The following CACNB4 variants were observed in gnomAD, a reference collection of about 807,000 sequenced individuals.
The protein encoded by CACNB4 is voltage-dependent L-type calcium channel subunit beta-4.
A neutral mutation model predicts 71.2 loss-of-function variants in CACNB4; 32 were observed. The ratio of observed to expected loss-of-function variants is 0.45; its 90% CI spans 0.34 to 0.60. The LOEUF is 0.60. Among genes scored for constraint, CACNB4 ranks in the 20% least tolerant of loss-of-function variants. The pLI is 0.01. For missense variants in CACNB4, 464 were observed against 647.9 expected (o/e 0.72, Z 3.08); for synonymous variants, 231 against 236.9 (o/e 0.97, Z 0.23).
chr2:151,992,680 T>A (rs1453275938), intron 2 of CACNB4, among the ~76,000 whole-genome samples: 1 of 152,218 alleles, frequency 6.6e-6, no homozygotes, highest in Admixed American at 6.5e-5. Flanking sequence ...TTTAAGTTTC[T>A]GGGAAAGCTA....
At chr2:151,978,696 C>T (rs566911902) in intron 2 of CACNB4, among the ~76,000 whole-genome samples, 1 of 152,316 alleles carries the variant, frequency 6.6e-6, no homozygotes, top group East Asian at 1.9e-4. Flanking sequence ...TCATCATTCT[C>T]CGCCTGGGTT....
At chr2:151,920,318 C>CTT (rs10574154) in intron 2 of CACNB4, among the ~76,000 whole-genome samples, 8,150 of 66,048 alleles carry the variant, frequency 0.12, 1,203 homozygotes, top group Non-Finnish European at 0.13. Context: ...TCTTCTTCTT[C>CTT]TTTTTTTTTT....
intron 2 of CACNB4, among the ~76,000 whole-genome samples, chr2:152,022,933 A>G (rs148337901): frequency 1.3e-5 from 2 of 152,214 alleles, no homozygotes; most frequent in Non-Finnish European, 2.9e-5. Context: ...GTTAAGGAAC[A>G]TATTAGTCTG....
chr2:151,945,686 A>G (rs2099865380), intron 2 of CACNB4, among the ~76,000 whole-genome samples: 1 of 152,244 alleles, frequency 6.6e-6, no homozygotes, highest in South Asian at 2.1e-4. Flanking sequence ...TAAAATGGCG[A>G]TAATGTTAGT....
chr2:152,064,911 A>C (rs1334695210), intron 2 of CACNB4, among the ~76,000 whole-genome samples: 1 of 152,162 alleles, frequency 6.6e-6, no homozygotes, highest in Non-Finnish European at 1.5e-5. Context: ...CTAGACCCCC[A>C]ATATTAAATC....
intron 2 of CACNB4, among the ~76,000 whole-genome samples, chr2:151,960,035 T>A (rs2151692530): frequency 6.6e-6 from 1 of 152,336 alleles, no homozygotes; most frequent in African/African-American, 2.4e-5. Context: ...ATTTAAGAAT[T>A]TGAGTTATAA....
At chr2:152,056,052 G>A (rs141724720) in intron 2 of CACNB4, among the ~76,000 whole-genome samples, 6 of 152,140 alleles carry the variant, frequency 3.9e-5, no homozygotes, top group East Asian at 1.9e-4. Flanking sequence ...ATCAATACCC[G>A]CAAGATTTTT....
intron 2 of CACNB4, among the ~76,000 whole-genome samples, chr2:152,055,855 G>A (rs1186848247): frequency 3.3e-5 from 5 of 152,104 alleles, no homozygotes; most frequent in Admixed American, 6.6e-5. Context: ...TGGGCAAAGT[G>A]TGACAAAGAG....
At chr2:152,054,192 C>T (rs1332966920) in intron 2 of CACNB4, among the ~76,000 whole-genome samples, 3 of 151,314 alleles carry the variant, frequency 2.0e-5, no homozygotes, top group South Asian at 2.1e-4. Context: ...GCGGTGAAAC[C>T]CCGTCTCTAC....
At chr2:151,920,697 T>C (rs2099858770) in intron 2 of CACNB4, among the ~76,000 whole-genome samples, 1 of 152,136 alleles carries the variant, frequency 6.6e-6, no homozygotes, top group South Asian at 2.1e-4. Flanking sequence ...GTTCCCTCTT[T>C]ACCAAAGAAG....
At chr2:152,023,048 A>G (rs1264400735) in intron 2 of CACNB4, among the ~76,000 whole-genome samples, 1 of 152,018 alleles carries the variant, frequency 6.6e-6, no homozygotes, top group Non-Finnish European at 1.5e-5. Flanking sequence ...CAGGAAACTT[A>G]CAATCATGGT....
chr2:152,072,710 G>A (rs1282990923), intron 2 of CACNB4, among the ~76,000 whole-genome samples: 3 of 151,050 alleles, frequency 2.0e-5, no homozygotes, highest in Admixed American at 6.6e-5. Flanking sequence ...GCATGGTCTC[G>A]GCTCACTGCA....
chr2:151,952,082 T>C (rs1049483914), intron 2 of CACNB4, among the ~76,000 whole-genome samples: 21 of 152,156 alleles, frequency 1.4e-4, no homozygotes, highest in African/African-American at 4.8e-4. Flanking sequence ...AATTAAATGA[T>C]ATATGTATAT....
intron 2 of CACNB4, among the ~76,000 whole-genome samples, chr2:152,052,897 G>A (rs933514809): frequency 3.8e-4 from 58 of 151,984 alleles, no homozygotes; most frequent in Non-Finnish European, 6.2e-4. Context: ...CAGGAGAATC[G>A]CTTGAACCCG....
chr2:152,061,379 T>C (rs1301648383), intron 2 of CACNB4, among the ~76,000 whole-genome samples: 1 of 152,164 alleles, frequency 6.6e-6, no homozygotes, highest in Non-Finnish European at 1.5e-5. Flanking sequence ...AGGTAATTAG[T>C]ATTGTCCAAA....
At chr2:151,886,003 G>A (rs898739740) in intron 2 of CACNB4, among the ~76,000 whole-genome samples, 13 of 151,928 alleles carry the variant, frequency 8.6e-5, no homozygotes, top group African/African-American at 3.1e-4. Flanking sequence ...TGTAGAGAGA[G>A]GGCCTTGTCA....
chr2:151,924,419 C>G (rs964013670), intron 2 of CACNB4, among the ~76,000 whole-genome samples: 19 of 151,188 alleles, frequency 1.3e-4, no homozygotes, highest in African/African-American at 4.4e-4. Context: ...TACTACTATA[C>G]AATATAATTT....
chr2:152,096,904 C>T (rs1250125266), intron 2 of CACNB4, among the ~76,000 whole-genome samples: 1 of 152,086 alleles, frequency 6.6e-6, no homozygotes, highest in Non-Finnish European at 1.5e-5. Context: ...ATTAGTATTT[C>T]CAAGAATTTG....
intron 11 of CACNB4, among the ~76,000 whole-genome samples, chr2:151,854,670 A>G (rs562236246): frequency 2.0e-5 from 3 of 152,324 alleles, no homozygotes; most frequent in South Asian, 4.1e-4. Context: ...ACCTCCCACA[A>G]TGGCATAAAG....
Sources: gnomAD v4.1 joint callset for allele counts (sites outside exome capture counted in the v4.1 genomes callset) on GRCh38, gnomAD v4.1.1 for gene constraint, MANE v1.5 for transcripts, NCBI Gene and HGNC (gene_info 2026-07-23, HGNC 2026-07-21) for gene names.